DCDC2: variants seen among roughly 807,000 people sequenced by gnomAD.
The protein encoded by DCDC2 is doublecortin domain containing 2.
DCDC2 carries 40 observed loss-of-function variants against 50.2 expected under a neutral mutation model. The observed-to-expected ratio is 0.80, with a 90% confidence interval of 0.62 to 1.04. The LOEUF is 1.04. DCDC2 is among the 50% of genes least tolerant of loss of function. DCDC2 has a pLI of 0.00. For missense variants in DCDC2, 570 were observed against 581.9 expected (o/e 0.98, Z 0.21); for synonymous variants, 234 against 210.6 (o/e 1.11, Z -0.96).
chr6:24,245,119 G>A (rs890751554), intron 7 of DCDC2, among the ~76,000 whole-genome samples: 6 of 152,126 alleles, frequency 3.9e-5, no homozygotes, highest in Non-Finnish European at 7.4e-5. Flanking sequence ...ACTTGAACCC[G>A]GGAGATAGAG....
At chr6:24,175,495 G>A (rs999984271) in intron 9 of DCDC2, among the ~76,000 whole-genome samples, 1 of 152,150 alleles carries the variant, frequency 6.6e-6, no homozygotes, top group East Asian at 1.9e-4. Flanking sequence ...GCCCCCACAA[G>A]GGCACCCAGT....
At chr6:24,289,759 C>T (rs1368337236) in intron 5 of DCDC2, among the ~76,000 whole-genome samples, 1 of 152,172 alleles carries the variant, frequency 6.6e-6, no homozygotes, top group Non-Finnish European at 1.5e-5. Flanking sequence ...TATTTAGAAG[C>T]TCTTGGCCAG....
intron 6 of DCDC2, among the ~76,000 whole-genome samples, chr6:24,280,045 A>G (rs1763437966): frequency 1.3e-5 from 2 of 152,236 alleles, no homozygotes; most frequent in South Asian, 2.1e-4. Flanking sequence ...TCTGAAAGTA[A>G]ATGTAGTAAT....
At chr6:24,189,902 A>T (rs994023084) in intron 8 of DCDC2, among the ~76,000 whole-genome samples, 3 of 152,188 alleles carry the variant, frequency 2.0e-5, no homozygotes, top group African/African-American at 7.2e-5. Context: ...TCAGGCATAG[A>T]TGTTGAAAAT....
chr6:24,172,214 C>G lies in DCDC2; in HGVS notation c.*2516G>C, dbSNP rs1288103932. On this transcript the variant is annotated 3_prime_UTR_variant, in exon 10 of 10. Transcript: ENST00000378454. ...TCCAAGTGAATGGTTTTTTCCTTGGCTAGGCACCTTTTTTTAGTAACATGT... is the reference window on the plus strand; with the variant it reads ...TCCAAGTGAATGGTTTTTTCCTTGGGTAGGCACCTTTTTTTAGTAACATGT... 6.6e-6 allele frequency: 1 copy of G among 152,140 alleles called. No individual in the cohort carries two copies. Among genetic ancestry groups the G allele is most frequent in the Admixed American group, 6.5e-5 (1 of 15,270 alleles). The allele number at this position is 152,140 out of a possible 1,614,324, so 9.4% of individuals were successfully genotyped here.
At position 24,247,048 on chromosome 6, in the gene DCDC2, A is replaced by C. The variant is rs749974896; in HGVS notation, c.922+31001T>G. 5.9e-5 allele frequency among the ~76,000 whole-genome samples: 9 copies of C among 152,334 alleles called. No individual in the cohort carries two copies. The Middle Eastern group carries it at 0.017, about 288-fold the overall frequency. ...CCTGTAAAGCAGTTTGCTAAGACTC[A>C]GGCTGGTCTTAACATATATAAAGGG... On this transcript the variant is annotated intron_variant, in intron 7 of 9. Transcript: ENST00000378454.
chr6:24,303,372 G>T (rs566653284), intron 2 of DCDC2, among the ~76,000 whole-genome samples: 1 of 151,958 alleles, frequency 6.6e-6, no homozygotes, highest in South Asian at 2.1e-4. Flanking sequence ...TCCTCGTCAC[G>T]CACTGTAGTT....
chr6:24,241,120 C>T (rs1164793988), intron 7 of DCDC2, among the ~76,000 whole-genome samples: 1 of 152,164 alleles, frequency 6.6e-6, no homozygotes, highest in Non-Finnish European at 1.5e-5. Context: ...GACCTTCAGC[C>T]ACCTGGGGTT....
At position 24,173,002 on chromosome 6, in the gene DCDC2, A is replaced by AATC. The variant is rs1162946960; in HGVS notation, c.*1727_*1728insGAT. The AATC allele has an allele frequency of 6.7e-6, 1 of 149,856 alleles. No individual in the cohort carries two copies. Among genetic ancestry groups the AATC allele is most frequent in the Non-Finnish European group, 1.5e-5 (1 of 67,518 alleles). The allele number at this position is 149,856 out of a possible 1,614,324, so 9.3% of individuals were successfully genotyped here. A position where few individuals can be genotyped will look rare whatever the true frequency, so the allele number is the denominator to read the frequency against. On this transcript the variant is annotated 3_prime_UTR_variant, in exon 10 of 10. Transcript: ENST00000378454. ...CTTCATCTCAAAAAATAATAATAAT[A>AATC]ATAATAATAATAATAATAAAGATCA...
rs185067986 is a variant in DCDC2, at chr6:24,215,869, T to C, written c.923-10767A>G. 3.7e-4 allele frequency among the ~76,000 whole-genome samples: 57 copies of C among 152,228 alleles called. 1 individual carries two copies. The East Asian group carries it at 9.1e-3, about 24-fold the overall frequency. On this transcript the variant is annotated intron_variant, in intron 7 of 9. Coordinates refer to ENST00000378454, the MANE Select transcript of DCDC2 (RefSeq NM_016356.5). Reference sequence around the variant, plus strand: ...GATTAACAGAATGCAACAAGAGACATTGAATACTTGTATTGGCAGGACTCC... The same window carrying C: ...GATTAACAGAATGCAACAAGAGACACTGAATACTTGTATTGGCAGGACTCC...
Position 24,173,531 on chromosome 6 carries a change from A to G in DCDC2, c.*1199T>C, listed in dbSNP as rs1238876222. The G allele has an allele frequency of 6.6e-6, 1 of 152,208 alleles. No individual in the cohort carries two copies. Among genetic ancestry groups the G allele is most frequent in the Non-Finnish European group, 1.5e-5 (1 of 68,016 alleles). 9.4% of individuals were successfully genotyped at this position (152,208 alleles called of 1,614,324 possible). A position where few individuals can be genotyped will look rare whatever the true frequency, so the allele number is the denominator to read the frequency against. ...AAAAGGACGAAATTATGTTTTAATTATGTTTTTATGTTTTCCCCATACATA... is the reference window on the plus strand; with the variant it reads ...AAAAGGACGAAATTATGTTTTAATTGTGTTTTTATGTTTTCCCCATACATA... On this transcript the variant is annotated 3_prime_UTR_variant, in exon 10 of 10. Transcript: ENST00000378454.
At chr6:24,255,209 G>C (rs1762877508) in intron 7 of DCDC2, among the ~76,000 whole-genome samples, 4 of 152,040 alleles carry the variant, frequency 2.6e-5, no homozygotes, top group African/African-American at 9.7e-5. Flanking sequence ...ACAATGCAGA[G>C]GGAGTATTGT....
chr6:24,275,276 A>T (rs1763327688), intron 7 of DCDC2, among the ~76,000 whole-genome samples: 1 of 152,216 alleles, frequency 6.6e-6, no homozygotes, highest in African/African-American at 2.4e-5. Context: ...TATAATCTGG[A>T]AAATTTCTGT....
chr6:24,350,500 T>C (rs1308328013), intron 2 of DCDC2, among the ~76,000 whole-genome samples: 1 of 152,154 alleles, frequency 6.6e-6, no homozygotes, highest in Non-Finnish European at 1.5e-5. Context: ...AAAAACTGAA[T>C]TGTGTATACT....
intron 5 of DCDC2, among the ~76,000 whole-genome samples, chr6:24,289,436 A>G (rs1763691258): frequency 6.6e-6 from 1 of 152,212 alleles, no homozygotes; most frequent in Non-Finnish European, 1.5e-5. Flanking sequence ...CTGTATTATT[A>G]GGAAAAGACC....
the DCDC2 span, among the ~76,000 whole-genome samples, chr6:24,369,101 TC>T: frequency 8.2e-6 from 1 of 122,028 alleles, no homozygotes; most frequent in Non-Finnish European, 1.6e-5. Flanking sequence ...GCCACTGCAC[TC>T]CAGCCTGGGA....
intron 7 of DCDC2, among the ~76,000 whole-genome samples, chr6:24,207,645 A>G (rs1761750930): frequency 6.6e-6 from 1 of 152,150 alleles, no homozygotes; most frequent in Non-Finnish European, 1.5e-5. Flanking sequence ...ACTCTTCCAC[A>G]TTCATACCCT....
chr6:24,207,256 T>TTCTTTCTCTCTCTCTCTC (rs1554145067), intron 7 of DCDC2, among the ~76,000 whole-genome samples: 2 of 129,606 alleles, frequency 1.5e-5, no homozygotes. Context: ...CCATCTATCT[T>TTCTTTCTCTCTCTCTCTC]TCTCTCTCTC....
intron 6 of DCDC2, among the ~76,000 whole-genome samples, chr6:24,281,613 A>G (rs1763474170): frequency 6.6e-6 from 1 of 151,794 alleles, no homozygotes; most frequent in Non-Finnish European, 1.5e-5. Flanking sequence ...TATAATTCAT[A>G]TATTTGTTTT....
Sources: allele counts gnomAD v4.1 joint callset (sites outside exome capture counted in the v4.1 genomes callset), GRCh38; gene constraint gnomAD v4.1.1; transcripts MANE v1.5; gene names NCBI Gene and HGNC (gene_info 2026-07-23, HGNC 2026-07-21).